PKD1L3: variants seen among roughly 807,000 people sequenced by gnomAD.
PKD1L3 encodes the protein polycystin 1 like 3, transient receptor potential channel interacting.
In PKD1L3, 239 loss-of-function variants were observed where a neutral mutation model predicts 184.1. The observed-to-expected ratio is 1.30, with a 90% CI of 1.17 to 1.45. The LOEUF (loss-of-function observed/expected upper bound fraction) is 1.45, where lower values mean the gene tolerates loss of function less well. Ranked by LOEUF, PKD1L3 falls within the 40% of genes most tolerant of loss-of-function variation. PKD1L3 has a pLI of 0.00. For missense variants in PKD1L3, 2,660 were observed against 2,067.2 expected (o/e 1.29, Z -5.56); for synonymous variants, 996 against 778.8 (o/e 1.28, Z -4.64).
chr16:71,996,103 T>G (rs2040773340), intron 2 of PKD1L3, among the ~76,000 whole-genome samples: 1 of 152,096 alleles, frequency 6.6e-6, no homozygotes. Flanking sequence ...CACATGCCGA[T>G]GTAAGAGAAA....
chr16:71,951,715 G>A lies in PKD1L3; in HGVS notation c.3039C>T (p.Leu1013=), dbSNP rs1462901908. ...EELKETVRFL[L]RRNTYLLSKC... ...TGGAGAGTAGGTATGTATTTCTCCTGAGCAGGAATCTCACAGTTTCCTTTA... is the reference window on the plus strand; with the variant it reads ...TGGAGAGTAGGTATGTATTTCTCCTAAGCAGGAATCTCACAGTTTCCTTTA... Residue 1013 remains leucine (L), a synonymous_variant, in exon 19 of 30, where the codon CTC becomes CTT. Transcript: ENST00000620267. The A allele has an allele frequency of 1.2e-5, 18 of 1,550,302 alleles. No homozygotes were observed. The highest frequency in any genetic ancestry group is 1.5e-5 in the Non-Finnish European group (17 of 1,146,636).
intron 10 of PKD1L3, 93 bp from the exon 11 acceptor site, chr16:71,977,560 CTTTTTTT>C: frequency 3.7e-6 from 2 of 543,648 alleles, no homozygotes; most frequent in Non-Finnish European, 5.7e-6. Flanking sequence ...CGTCCTAGCT[CTTTTTTT>C]TTTTTTTTTT....
chr16:71,965,460 G>A (rs1354251164), intron 15 of PKD1L3, among the ~76,000 whole-genome samples: 1 of 151,902 alleles, frequency 6.6e-6, no homozygotes, highest in Non-Finnish European at 1.5e-5. Context: ...CTGGCAAGCT[G>A]TTCTCTGAAG....
rs1337023236 is a variant in PKD1L3 at position 71,999,823 on chromosome 16, A to G, written c.156T>C (p.His52=). The G allele has an allele frequency of 1.3e-6, 2 of 1,551,756 alleles. No homozygotes were observed. The highest frequency in any genetic ancestry group is 1.7e-6 in the Non-Finnish European group (2 of 1,147,008). The change falls in exon 1 of 30, where the codon CAT becomes CAC. Residue 52 remains histidine (H), a synonymous_variant. Coordinates refer to ENST00000620267, the MANE Select transcript of PKD1L3 (RefSeq NM_181536.2). Reference sequence around the variant, plus strand: ...TATGAGCTAGGAATCCTCTCTGCACATGACAGTAATGCTGTGCTTCCTCAA... The same window carrying G: ...TATGAGCTAGGAATCCTCTCTGCACGTGACAGTAATGCTGTGCTTCCTCAA... The part of the protein sequence containing the change: ...CSFEEAQHYC[H]VQRGFLAHIW...
rs1313919180 is a variant in PKD1L3, at chr16:71,990,279, C to G, written c.585+1G>C. ...TGTATGTTGTCAAGGGAAGCACTTACAAGATGAGCAGGAAGAGGATAGTGA... is the reference window on the plus strand; with the variant it reads ...TGTATGTTGTCAAGGGAAGCACTTAGAAGATGAGCAGGAAGAGGATAGTGA... On this transcript the variant is annotated splice_donor_variant, in intron 4 of 29. Transcript: ENST00000620267. LOFTEE classifies it high-confidence loss of function. 2 of 1,544,598 alleles carry G rather than the reference C, an allele frequency of 1.3e-6. No homozygotes were observed. The highest frequency in any genetic ancestry group is 2.0e-5 in the Admixed American group (1 of 50,886).
intron 28 of PKD1L3, among the ~76,000 whole-genome samples, chr16:71,932,893 C>T (rs1301248874): frequency 2.0e-5 from 3 of 150,368 alleles, no homozygotes; most frequent in Non-Finnish European, 4.4e-5. Flanking sequence ...GATTCTCTCT[C>T]CTCAGCCTCC....
At position 71,970,099 on chromosome 16, in the gene PKD1L3, G is replaced by C. The variant is rs2039655607; in HGVS notation, c.1960C>G (p.Pro654Ala). The change falls in exon 13 of 30, where the codon CCA becomes GCA. Residue 654 changes from proline to alanine, a missense_variant. Coordinates refer to ENST00000620267, the MANE Select transcript of PKD1L3 (RefSeq NM_181536.2). ...TGTGTCCTCAGAATTGTGCTCTGTG[G>C]CCCAACCTGGAATTAGAATCAAGAC... ...TWSSAGCQVG[P>A]QSTILRTQCL... The C allele has an allele frequency of 6.4e-7, 1 of 1,551,100 alleles. No homozygotes were observed. The highest frequency in any genetic ancestry group is 1.4e-5 in the African/African-American group (1 of 73,044).
At chr16:71,947,388 TAG>T (rs748598668) in intron 22 of PKD1L3, 102 bp downstream of exon 22, 27 of 730,022 alleles carry the variant, frequency 3.7e-5, no homozygotes, top group Admixed American at 3.5e-4. Flanking sequence ...ACCAGTTGGT[TAG>T]AGACAAGTCC....
intron 24 of PKD1L3, among the ~76,000 whole-genome samples, chr16:71,940,104 C>T (rs2038309046): frequency 7.2e-6 from 1 of 139,450 alleles, no homozygotes; most frequent in Non-Finnish European, 1.5e-5. Context: ...CTGAAAATAG[C>T]ATCAACTGAA....
intron 6 of PKD1L3, among the ~76,000 whole-genome samples, chr16:71,982,440 C>A (rs143053380): frequency 1.3e-5 from 2 of 151,668 alleles, no homozygotes; most frequent in African/African-American, 4.8e-5. Flanking sequence ...CATGAGCCAC[C>A]ATGCTCAACT....
At chr16:71,974,001 CA>C (rs10605882) in intron 11 of PKD1L3, among the ~76,000 whole-genome samples, 65,656 of 106,976 alleles carry the variant, frequency 0.61, 14,809 homozygotes, top group East Asian at 0.64. Flanking sequence ...GATTTTGTCT[CA>C]AAAAAAAAAA....
chr16:71,930,997 GATA>G (rs2037935651), intron 28 of PKD1L3: 1 of 152,174 alleles, frequency 6.6e-6, no homozygotes, highest in Admixed American at 6.5e-5. Flanking sequence ...AGGTCAACCA[GATA>G]ATGTGGGCAA....
At position 71,987,902 on chromosome 16, in the gene PKD1L3, C is replaced by A. The variant is rs190480626; in HGVS notation, c.586-1433G>T. Among the ~76,000 whole-genome samples the A allele has an allele frequency of 1.4e-3, 207 of 152,218 alleles. 1 individual carries two copies. The highest frequency in any genetic ancestry group is 2.2e-3 in the Non-Finnish European group (149 of 68,018). On this transcript the variant is annotated intron_variant, in intron 4 of 29. Coordinates refer to ENST00000620267, the MANE Select transcript of PKD1L3 (RefSeq NM_181536.2). The stretch of plus-strand genomic sequence containing the variant: ...AGTGCAAAGGCCCCCAAGCCCACAG[C>A]CAGCTAGCTCTGAGGAAGACCAAGG...
intron 16 of PKD1L3, among the ~76,000 whole-genome samples, chr16:71,961,545 G>A (rs1056509817): frequency 7.1e-6 from 1 of 140,350 alleles, no homozygotes; most frequent in Non-Finnish European, 1.6e-5. Flanking sequence ...ACTCTCTTGA[G>A]GTTGCCACGC....
Position 71,953,069 on chromosome 16 carries a change from G to A in PKD1L3, c.2834C>T (p.Ser945Phe). 1 of 1,495,850 alleles carries A rather than the reference G, an allele frequency of 6.7e-7. No homozygotes were observed. The highest frequency in any genetic ancestry group is 8.9e-7 in the Non-Finnish European group (1 of 1,124,626). 92.7% of individuals were successfully genotyped at this position (1,495,850 alleles called of 1,614,324 possible). A position where few individuals can be genotyped will look rare whatever the true frequency, so the allele number is the denominator to read the frequency against. ...AGTATGGATGCTGACCAGCAGTTCA[G>A]ACCAGGCCACAGCAAATGGACGCAC... is the stretch of plus-strand genomic sequence containing the variant. ...EQMRPFAVAW[S>F]ELLVSIHTAV... Residue 945 changes from serine (S) to phenylalanine (F), a missense_variant, in exon 18 of 30, where the codon TCT becomes TTT. Ser to Phe is a radical substitution (Grantham distance 155). Coordinates refer to ENST00000620267, the MANE Select transcript of PKD1L3 (RefSeq NM_181536.2).
At chr16:71,947,310 G>A (rs1021435696) in intron 22 of PKD1L3, among the ~76,000 whole-genome samples, 182 bp downstream of exon 22, 1 of 152,072 alleles carries the variant, frequency 6.6e-6, no homozygotes, top group Non-Finnish European at 1.5e-5. Flanking sequence ...CTGGGAGAGA[G>A]GATGTGATGA....
intron 29 of PKD1L3, 64 bp from the exon 30 acceptor site, chr16:71,929,742 A>G: frequency 1.2e-5 from 17 of 1,374,122 alleles, no homozygotes; most frequent in African/African-American, 1.5e-5. Context: ...AGTGGAGTAA[A>G]AAAAGTACCA....
chr16:71,954,153 C>A lies in PKD1L3; in HGVS notation c.2761G>T (p.Val921Phe). 1 of 1,550,670 alleles carries A rather than the reference C, an allele frequency of 6.4e-7. No homozygotes were observed. Among genetic ancestry groups the A allele is most frequent in the Non-Finnish European group, 8.7e-7 (1 of 1,146,480 alleles). The change falls in exon 17 of 30, where the codon GTT becomes TTT. Residue 921 changes from valine (V) to phenylalanine (F), a missense_variant. Val to Phe is a conservative substitution (Grantham distance 50, BLOSUM62 -1). Transcript: ENST00000620267. Reference sequence around the variant, plus strand: ...GTGCTGTTTATCTTCCAGAACATAACATTGATGACCATGTTGCAGAGTAGC... The same window carrying A: ...GTGCTGTTTATCTTCCAGAACATAAAATTGATGACCATGTTGCAGAGTAGC... ...TLLLCNMVINVMFWKINSTTA... is the reference protein window; with the variant it reads ...TLLLCNMVINFMFWKINSTTA...
chr16:71,943,846 T>G (rs777540978), intron 23 of PKD1L3, among the ~76,000 whole-genome samples, 184 bp downstream of exon 23: 4 of 152,210 alleles, frequency 2.6e-5, no homozygotes, highest in African/African-American at 9.7e-5. Context: ...ACCTCTAGAC[T>G]CCAAGGTCAG....
Sources: gnomAD v4.1 joint callset for allele counts (sites outside exome capture counted in the v4.1 genomes callset) on GRCh38, gnomAD v4.1.1 for gene constraint, MANE v1.5 for transcripts, NCBI Gene and HGNC (gene_info 2026-07-23, HGNC 2026-07-21) for gene names.